Variants in INTS9 observed in about 807,000 individuals in gnomAD.
The protein encoded by INTS9 is integrator complex subunit 9, also known as protein related to CPSF subunits of 74 kDa.
Under a neutral mutation model 79.7 loss-of-function variants are expected in INTS9, and 55 were observed. The observed-to-expected ratio is 0.69, with a 90% CI of 0.56 to 0.86. The LOEUF is 0.86. INTS9 is among the 40% of genes least tolerant of loss of function. The pLI, the probability that INTS9 is intolerant of heterozygous loss-of-function variation, is 0.00. For synonymous variants in INTS9, 319 were observed against 325.2 expected (o/e 0.98, Z 0.20); for missense variants, 721 against 831.5 (o/e 0.87, Z 1.64).
At chr8:28,804,586 A>C (rs545529948) in intron 8 of INTS9, among the ~76,000 whole-genome samples, 6 of 152,060 alleles carry the variant, frequency 3.9e-5, no homozygotes, top group Non-Finnish European at 7.4e-5. Flanking sequence ...TCAGGGAGAC[A>C]CTCAGGAGAA....
At chr8:28,866,838 G>A (rs897779251) in intron 1 of INTS9, among the ~76,000 whole-genome samples, 1 of 152,094 alleles carries the variant, frequency 6.6e-6, no homozygotes, top group African/African-American at 2.4e-5. Flanking sequence ...AGCCAGGCAT[G>A]GTGGCGGGAG....
intron 14 of INTS9, among the ~76,000 whole-genome samples, chr8:28,771,689 G>A (rs1455832583): frequency 1.3e-5 from 2 of 152,260 alleles, no homozygotes; most frequent in East Asian, 1.9e-4. Flanking sequence ...GGCCTATGGC[G>A]AGCGTGAAGC....
intron 6 of INTS9, among the ~76,000 whole-genome samples, chr8:28,824,112 G>A (rs534899308): frequency 3.9e-5 from 6 of 152,142 alleles, no homozygotes; most frequent in Non-Finnish European, 8.8e-5. Flanking sequence ...GGAATGACAC[G>A]CATAATATAG....
rs746806042 is a variant in INTS9, at chr8:28,774,160, G to A, written c.1563+1599C>T. Among the ~76,000 whole-genome samples, 3 of 152,238 alleles carry A rather than the reference G, an allele frequency of 2.0e-5. 1 individual carries two copies. Among genetic ancestry groups the A allele is most frequent in the South Asian group, 4.1e-4 (2 of 4,828 alleles). ...GTACTTACTGATAGGTGAAAAAGAC[G>A]ACAGTGTATGAGGTGTGATTCCAGT... is the stretch of plus-strand genomic sequence containing the variant. On this transcript the variant is annotated intron_variant, in intron 14 of 16. Coordinates refer to ENST00000521022, the MANE Select transcript of INTS9 (RefSeq NM_018250.4).
At chr8:28,885,321 CTT>C (rs1317542001) in intron 1 of INTS9, among the ~76,000 whole-genome samples, 1 of 152,192 alleles carries the variant, frequency 6.6e-6, no homozygotes, top group Non-Finnish European at 1.5e-5. Flanking sequence ...TCCTTTAAGA[CTT>C]TTAACAAGCC....
rs756204179 is a variant in INTS9 at position 28,846,766 on chromosome 8, G to A, written c.242C>T (p.Pro81Leu). Residue 81 changes from proline to leucine, a missense_variant, in exon 4 of 17, where the codon CCG becomes CTG. Around this residue, in one of 3 missense-constraint regions of INTS9, gnomAD observed 291 missense variants for 307.0 expected, o/e 0.95. Transcript: ENST00000521022. The part of the protein sequence containing the change: ...CSGHVFVDSV[P>L]EFCLPETELI... ...TCTTACCTCTGGTAAACAGAATTCCGGCACAGAATCCACAAATACATGACC... is the reference window on the plus strand; with the variant it reads ...TCTTACCTCTGGTAAACAGAATTCCAGCACAGAATCCACAAATACATGACC... 170 of 1,613,018 alleles carry A rather than the reference G, an allele frequency of 1.1e-4. No homozygotes were observed. The highest frequency in any genetic ancestry group is 1.3e-4 in the Non-Finnish European group (153 of 1,179,246).
intron 6 of INTS9, among the ~76,000 whole-genome samples, chr8:28,819,918 G>T (rs1237086387): frequency 6.6e-6 from 1 of 152,100 alleles, no homozygotes; most frequent in Non-Finnish European, 1.5e-5. Flanking sequence ...GGCCTTCTTT[G>T]TCTCTTTTGA....
chr8:28,805,566 C>T (rs171311), intron 8 of INTS9, among the ~76,000 whole-genome samples: 2 of 152,016 alleles, frequency 1.3e-5, no homozygotes, highest in Admixed American at 6.6e-5. Context: ...TATTCACCAC[C>T]GTATTATGTA....
chr8:28,876,633 C>T (rs1809404866), intron 1 of INTS9, among the ~76,000 whole-genome samples: 1 of 151,968 alleles, frequency 6.6e-6, no homozygotes, highest in Non-Finnish European at 1.5e-5. Context: ...ACTCCTATTC[C>T]AAATCATTCT....
chr8:28,825,258 A>G (rs1452531060), intron 6 of INTS9, among the ~76,000 whole-genome samples: 1 of 152,216 alleles, frequency 6.6e-6, no homozygotes, highest in Admixed American at 6.5e-5. Context: ...CAGAGCTGGA[A>G]GGCTGTCATG....
At chr8:28,833,100 C>T (rs1010881068) in intron 6 of INTS9, among the ~76,000 whole-genome samples, 5 of 152,124 alleles carry the variant, frequency 3.3e-5, no homozygotes, top group Admixed American at 1.3e-4. Flanking sequence ...AAGGAATGCA[C>T]GGAGGAGACT....
intron 16 of INTS9, chr8:28,769,458 C>T (rs1563235093): frequency 1.3e-5 from 2 of 155,480 alleles, no homozygotes; most frequent in African/African-American, 4.8e-5. Context: ...GCTGCTGAGA[C>T]AGAGGGGAAG....
chr8:28,883,154 A>C (rs1585539490), intron 1 of INTS9, among the ~76,000 whole-genome samples: 1 of 152,020 alleles, frequency 6.6e-6, no homozygotes, highest in African/African-American at 2.4e-5. Context: ...TCTGCCATCT[A>C]CCCACACTTC....
At chr8:28,805,051 GAGTA>G (rs1288136333) in intron 8 of INTS9, among the ~76,000 whole-genome samples, 1 of 152,098 alleles carries the variant, frequency 6.6e-6, no homozygotes, top group East Asian at 1.9e-4. Context: ...AATCAACCAG[GAGTA>G]AGTAATTTAA....
chr8:28,786,740 C>T (rs180704990), intron 11 of INTS9, among the ~76,000 whole-genome samples: 9 of 152,076 alleles, frequency 5.9e-5, no homozygotes, highest in East Asian at 5.8e-4. Flanking sequence ...TTTTTTGAGA[C>T]GGAGTCTCAC....
rs535602450 is a variant in INTS9, at chr8:28,796,541, C to T, written c.856+3G>A. ...CAACGTAAGATGAGAGACGGTTGCA[C>T]ACCTAGGTTGCTGCAGAACTCTCCC... On this transcript the variant is annotated splice_donor_region_variant and intron_variant, in intron 9 of 16. Transcript: ENST00000521022. The T allele has an allele frequency of 1.2e-5, 18 of 1,558,498 alleles. No homozygotes were observed. The Admixed American group carries it at 2.0e-4, about 17-fold the overall frequency.
intron 1 of INTS9, among the ~76,000 whole-genome samples, chr8:28,867,554 T>C (rs1033219070): frequency 5.3e-5 from 6 of 114,000 alleles, no homozygotes; most frequent in Non-Finnish European, 9.1e-5. Context: ...AAAAAGGCTA[T>C]ACAAACAAAA....
chr8:28,799,295 T>A (rs909525299), intron 8 of INTS9: 1 of 152,992 alleles, frequency 6.5e-6, no homozygotes, highest in East Asian at 1.9e-4. Flanking sequence ...AAACTCCGTC[T>A]CAAACAAAAC....
chr8:28,882,281 C>T (rs1037516180), intron 1 of INTS9, among the ~76,000 whole-genome samples: 2 of 133,046 alleles, frequency 1.5e-5, no homozygotes. Flanking sequence ...GTCATCACCA[C>T]TCCCTAATCT....
Sources: allele counts gnomAD v4.1 joint callset (sites outside exome capture counted in the v4.1 genomes callset), GRCh38; gene constraint gnomAD v4.1.1; regional missense constraint gnomAD v4.1.1; transcripts MANE v1.5; gene names NCBI Gene and HGNC (gene_info 2026-07-23, HGNC 2026-07-21).